Variants in SGCG observed in about 807,000 individuals in gnomAD.
SGCG encodes the protein sarcoglycan gamma.
In SGCG, 26 loss-of-function variants were observed where a neutral mutation model predicts 29.3. The ratio of observed to expected loss-of-function variants is 0.89; its 90% CI spans 0.65 to 1.23. The LOEUF is 1.23. Among genes scored for constraint, SGCG ranks in the 50% most tolerant of loss-of-function variants. SGCG has a pLI of 0.00. For missense variants in SGCG, 353 were observed against 356.0 expected, an observed-to-expected ratio of 0.99 and a Z score of 0.07; for synonymous variants, 145 against 129.7, an observed-to-expected ratio of 1.12 and a Z score of -0.80.
At chr13:23,191,490 G>C (rs1233398946) in intron 1 of SGCG, among the ~76,000 whole-genome samples, 1 of 152,206 alleles carries the variant, frequency 6.6e-6, no homozygotes, top group Non-Finnish European at 1.5e-5. Flanking sequence ...CTGCTGTAGA[G>C]CATTACAAAT....
intron 1 of SGCG, among the ~76,000 whole-genome samples, chr13:23,193,567 A>G (rs1324515122): frequency 6.6e-6 from 1 of 152,166 alleles, no homozygotes; most frequent in Non-Finnish European, 1.5e-5. Context: ...GAGATGATCA[A>G]CTGGGAATGG....
intron 6 of SGCG, among the ~76,000 whole-genome samples, chr13:23,298,897 A>C (rs1882012919): frequency 6.6e-6 from 1 of 152,202 alleles, no homozygotes; most frequent in South Asian, 2.1e-4. Flanking sequence ...AGGATTGAGC[A>C]ACTTGAGTGT....
At chr13:23,248,867 T>G (rs1879840306) in intron 3 of SGCG, among the ~76,000 whole-genome samples, 1 of 151,006 alleles carries the variant, frequency 6.6e-6, no homozygotes, top group Admixed American at 6.6e-5. Flanking sequence ...GGCGGGCACC[T>G]GTAGTCCCAC....
chr13:23,181,854 T>C (rs1050835814), intron 1 of SGCG, among the ~76,000 whole-genome samples: 1 of 152,250 alleles, frequency 6.6e-6, no homozygotes, highest in Non-Finnish European at 1.5e-5. Flanking sequence ...ACTGAAAGAT[T>C]TGCCAGCAGA....
At chr13:23,275,189 T>G (rs1351098673) in intron 4 of SGCG, among the ~76,000 whole-genome samples, 1 of 148,438 alleles carries the variant, frequency 6.7e-6, no homozygotes, top group Non-Finnish European at 1.5e-5. Context: ...ATTATTACAG[T>G]CAGGGTTTCC....
At chr13:23,174,068 C>T in the SGCG span, among the ~76,000 whole-genome samples, 1 of 152,174 alleles carries the variant, frequency 6.6e-6, no homozygotes, top group East Asian at 1.9e-4. Flanking sequence ...AATTTTCAGA[C>T]ACCAAAAGTG....
At chr13:23,255,854 TA>T (rs564850023) in intron 4 of SGCG, among the ~76,000 whole-genome samples, 91 of 152,280 alleles carry the variant, frequency 6.0e-4, no homozygotes, top group Non-Finnish European at 1.1e-3. Flanking sequence ...GAACTTAATT[TA>T]AAAAGCTGAA....
intron 3 of SGCG, among the ~76,000 whole-genome samples, chr13:23,247,531 G>A (rs1312530593): frequency 6.6e-6 from 1 of 152,078 alleles, no homozygotes; most frequent in Non-Finnish European, 1.5e-5. Context: ...TCTGCAGCCT[G>A]CTTTTGATCA....
chr13:23,324,268 G>A, intron 7 of SGCG, 100 bp from the exon 8 acceptor site: 1 of 1,130,110 alleles, frequency 8.8e-7, no homozygotes, highest in Non-Finnish European at 1.3e-6. Context: ...TGTTTTCTAT[G>A]AGGAGAAGAA....
intron 6 of SGCG, among the ~76,000 whole-genome samples, chr13:23,297,740 C>T (rs1348498714): frequency 1.3e-5 from 2 of 152,042 alleles, no homozygotes; most frequent in East Asian, 3.9e-4. Flanking sequence ...AGTTTTGGGG[C>T]CAGTTTAAGG....
At chr13:23,298,907 T>A (rs1882013380) in intron 6 of SGCG, among the ~76,000 whole-genome samples, 1 of 152,148 alleles carries the variant, frequency 6.6e-6, no homozygotes, top group Non-Finnish European at 1.5e-5. Flanking sequence ...AACTTGAGTG[T>A]TAAAACCAAG....
At chr13:23,310,013 G>A (rs1376904736) in intron 6 of SGCG, among the ~76,000 whole-genome samples, 1 of 150,848 alleles carries the variant, frequency 6.6e-6, no homozygotes, top group African/African-American at 2.4e-5. Context: ...GCGGCTACTA[G>A]GTCAATCTTG....
intron 5 of SGCG, among the ~76,000 whole-genome samples, chr13:23,289,778 T>A (rs1199966624): frequency 6.6e-6 from 1 of 152,152 alleles, no homozygotes; most frequent in Non-Finnish European, 1.5e-5. Flanking sequence ...TATGCAGGGA[T>A]TTGCTGGCCA....
chr13:23,192,457 G>A (rs981356817), intron 1 of SGCG, among the ~76,000 whole-genome samples: 3 of 152,168 alleles, frequency 2.0e-5, no homozygotes, highest in Admixed American at 1.3e-4. Flanking sequence ...GCAATGGTGC[G>A]ATCTCGGCTC....
chr13:23,278,412 C>T (rs1302678442), intron 4 of SGCG, among the ~76,000 whole-genome samples: 2 of 149,590 alleles, frequency 1.3e-5, no homozygotes, highest in Non-Finnish European at 3.0e-5. Context: ...CATTGCACTC[C>T]AGCCTGGGCG....
At chr13:23,302,254 G>A (rs1325686630) in intron 6 of SGCG, among the ~76,000 whole-genome samples, 1 of 151,022 alleles carries the variant, frequency 6.6e-6, no homozygotes, top group Non-Finnish European at 1.5e-5. Context: ...TTCTCCACAA[G>A]AAATATATTT....
intron 6 of SGCG, among the ~76,000 whole-genome samples, chr13:23,308,737 G>T (rs1282581105): frequency 6.6e-6 from 1 of 151,964 alleles, no homozygotes; most frequent in Non-Finnish European, 1.5e-5. Flanking sequence ...GCTAATTTTT[G>T]TATTTTTGTA....
intron 4 of SGCG, among the ~76,000 whole-genome samples, chr13:23,276,186 A>G (rs1881059542): frequency 6.6e-6 from 1 of 152,068 alleles, no homozygotes; most frequent in Non-Finnish European, 1.5e-5. Flanking sequence ...ACTAGGTTAA[A>G]AAAAAAACCG....
chr13:23,210,762 C>G (rs1471536127), intron 2 of SGCG, among the ~76,000 whole-genome samples: 1 of 152,162 alleles, frequency 6.6e-6, no homozygotes, highest in Non-Finnish European at 1.5e-5. Context: ...ATAATGATCC[C>G]ATGAGTTTGA....
Sources: gnomAD v4.1 joint callset for allele counts (sites outside exome capture counted in the v4.1 genomes callset) on GRCh38, gnomAD v4.1.1 for gene constraint, MANE v1.5 for transcripts, NCBI Gene and HGNC (gene_info 2026-07-23, HGNC 2026-07-21) for gene names.